Variants in EDIL3 observed in about 807,000 individuals in gnomAD.
EDIL3 encodes the protein EGF like and discoidin domains 3, also known as EGF-like repeat and discoidin I-like domain-containing protein 3.
EDIL3 carries 37 observed loss-of-function variants against 67.4 expected under a neutral mutation model. That is an observed-to-expected ratio of 0.55 (90% CI 0.42 to 0.72). EDIL3 has a LOEUF of 0.72. Among genes scored for constraint, EDIL3 ranks in the 30% least tolerant of loss-of-function variants. The pLI, the probability that EDIL3 is intolerant of heterozygous loss-of-function variation, is 0.00. For synonymous variants in EDIL3, 195 were observed against 196.3 expected, an observed-to-expected ratio of 0.99 and a Z score of 0.05; for missense variants, 527 against 586.3, an observed-to-expected ratio of 0.90 and a Z score of 1.04.
intron 8 of EDIL3, among the ~76,000 whole-genome samples, chr5:84,063,633 A>G (rs986185028): frequency 6.6e-6 from 1 of 152,132 alleles, no homozygotes. Context: ...CAACACAAAT[A>G]AATTTAGGAA....
intron 5 of EDIL3, among the ~76,000 whole-genome samples, chr5:84,128,909 T>G (rs909439477): frequency 2.4e-4 from 34 of 140,882 alleles, no homozygotes; most frequent in African/African-American, 7.2e-4. Flanking sequence ...AAACAAAAAC[T>G]TCTTACGGAA....
chr5:84,253,332 A>T (rs889760804), intron 2 of EDIL3, among the ~76,000 whole-genome samples: 1 of 152,118 alleles, frequency 6.6e-6, no homozygotes, highest in East Asian at 1.9e-4. Flanking sequence ...AAAAATATAA[A>T]TTTTTTTCAA....
intron 1 of EDIL3, among the ~76,000 whole-genome samples, chr5:84,362,451 T>C (rs550829305): frequency 6.6e-6 from 1 of 152,292 alleles, no homozygotes; most frequent in East Asian, 1.9e-4. Context: ...TCCTATTAAC[T>C]AGCATGGACT....
chr5:84,247,779 A>G (rs1248738074), intron 2 of EDIL3, among the ~76,000 whole-genome samples: 1 of 152,064 alleles, frequency 6.6e-6, no homozygotes, highest in Non-Finnish European at 1.5e-5. Context: ...ATGATATGCT[A>G]TACATATATA....
intron 1 of EDIL3, among the ~76,000 whole-genome samples, chr5:84,377,122 T>G (rs899348909): frequency 1.3e-5 from 2 of 151,876 alleles, no homozygotes; most frequent in Non-Finnish European, 2.9e-5. Flanking sequence ...GTCAGGAGAT[T>G]GAGACCACCC....
Position 84,176,098 on chromosome 5 carries a change from C to A in EDIL3, c.355+4295G>T, listed in dbSNP as rs1197457235. Among the ~76,000 whole-genome samples the A allele has an allele frequency of 2.0e-5, 3 of 147,778 alleles. No homozygotes were observed. The Admixed American group carries it at 2.1e-4, about 10-fold the overall frequency. Reference sequence around the variant, plus strand: ...ATTAATCACTAATATACAATTAAGACCAAACTGACTTAAAGTAGTTAGAAT... The same window carrying A: ...ATTAATCACTAATATACAATTAAGAACAAACTGACTTAAAGTAGTTAGAAT... On this transcript the variant is annotated intron_variant, in intron 4 of 10. Coordinates refer to ENST00000296591, the MANE Select transcript of EDIL3 (RefSeq NM_005711.5).
intron 1 of EDIL3, among the ~76,000 whole-genome samples, chr5:84,277,248 A>G (rs1745600511): frequency 2.0e-5 from 3 of 152,230 alleles, no homozygotes; most frequent in Middle Eastern, 3.4e-3. Context: ...TAGTGTCCTT[A>G]TAACAGAGAC....
chr5:84,076,729 A>G (rs1746864348), intron 6 of EDIL3, among the ~76,000 whole-genome samples: 2 of 152,214 alleles, frequency 1.3e-5, no homozygotes, highest in African/African-American at 4.8e-5. Context: ...AACTAGCAAC[A>G]AAGACTGTCA....
chr5:84,040,583 T>C (rs1746102773), intron 9 of EDIL3, among the ~76,000 whole-genome samples: 2 of 151,162 alleles, frequency 1.3e-5, no homozygotes, highest in Admixed American at 6.6e-5. Flanking sequence ...TTCTTTCTCA[T>C]AAATTTTAGA....
chr5:84,127,134 T>A (rs948831898), intron 5 of EDIL3, among the ~76,000 whole-genome samples: 7 of 152,048 alleles, frequency 4.6e-5, no homozygotes, highest in African/African-American at 7.2e-5. Context: ...CGTAGTTAGA[T>A]AATAGTGCTG....
At chr5:83,977,842 A>C (rs1326556033) in intron 9 of EDIL3, among the ~76,000 whole-genome samples, 1 of 151,822 alleles carries the variant, frequency 6.6e-6, no homozygotes, top group African/African-American at 2.4e-5. Context: ...TCTTCAAAGA[A>C]CCACCTTCTA....
intron 10 of EDIL3, among the ~76,000 whole-genome samples, chr5:83,945,910 A>G (rs1744300465): frequency 6.6e-6 from 1 of 151,974 alleles, no homozygotes; most frequent in Admixed American, 6.6e-5. Flanking sequence ...CCTCTCAGTA[A>G]TGACACGTAC....
intron 5 of EDIL3, among the ~76,000 whole-genome samples, chr5:84,130,265 A>G (rs897876219): frequency 6.6e-6 from 1 of 152,062 alleles, no homozygotes; most frequent in African/African-American, 2.4e-5. Flanking sequence ...TCTCTCATTA[A>G]TCTGTATATT....
At chr5:84,373,515 T>C (rs2112215398) in intron 1 of EDIL3, among the ~76,000 whole-genome samples, 1 of 152,334 alleles carries the variant, frequency 6.6e-6, no homozygotes, top group African/African-American at 2.4e-5. Context: ...CTATAGATGC[T>C]ATCACTTTTT....
intron 3 of EDIL3, among the ~76,000 whole-genome samples, chr5:84,223,095 T>C (rs1744378864): frequency 6.6e-6 from 1 of 151,820 alleles, no homozygotes. Context: ...AGGAGTTTTA[T>C]GGTTTCAGAG....
At chr5:84,027,577 T>TTTTATTTTA (rs1580286551) in intron 9 of EDIL3, among the ~76,000 whole-genome samples, 2 of 151,846 alleles carry the variant, frequency 1.3e-5, no homozygotes, top group Non-Finnish European at 2.9e-5. Context: ...TTTTATTTTA[T>TTTTATTTTA]TAAGTGTAAA....
At chr5:84,207,715 C>T (rs1057488816) in intron 3 of EDIL3, among the ~76,000 whole-genome samples, 2 of 151,908 alleles carry the variant, frequency 1.3e-5, no homozygotes, top group Non-Finnish European at 2.9e-5. Context: ...ATCAATGGAA[C>T]AGAACAGAGC....
intron 3 of EDIL3, among the ~76,000 whole-genome samples, chr5:84,209,686 G>C (rs1744073788): frequency 6.6e-6 from 1 of 152,040 alleles, no homozygotes; most frequent in Non-Finnish European, 1.5e-5. Context: ...GAACAGTAAG[G>C]CTATTCTCAA....
chr5:84,214,357 T>C (rs2112392744), intron 3 of EDIL3, among the ~76,000 whole-genome samples: 1 of 152,262 alleles, frequency 6.6e-6, no homozygotes, highest in South Asian at 2.1e-4. Context: ...CAGTATCTTA[T>C]ATAAAATGGC....
Sources: gnomAD v4.1 joint callset for allele counts (sites outside exome capture counted in the v4.1 genomes callset) on GRCh38, gnomAD v4.1.1 for gene constraint, MANE v1.5 for transcripts, NCBI Gene and HGNC (gene_info 2026-07-23, HGNC 2026-07-21) for gene names.